Variants in TGFA observed in about 807,000 individuals in gnomAD.
The protein encoded by TGFA is protransforming growth factor alpha.
A neutral mutation model predicts 21.7 loss-of-function variants in TGFA; 12 were observed. The ratio of observed to expected loss-of-function variants is 0.55; its 90% CI spans 0.35 to 0.90. TGFA has a LOEUF of 0.90. TGFA is among the 40% of genes least tolerant of loss of function. The pLI is 0.01. For missense variants in TGFA, 178 were observed against 210.8 expected, an observed-to-expected ratio of 0.84 and a Z score of 0.96; for synonymous variants, 79 against 88.1, an observed-to-expected ratio of 0.90 and a Z score of 0.58.
intron 1 of TGFA, among the ~76,000 whole-genome samples, chr2:70,541,938 A>G (rs1160126108): frequency 6.6e-6 from 1 of 152,186 alleles, no homozygotes; most frequent in Non-Finnish European, 1.5e-5. Context: ...TGTGTACAGC[A>G]CGCAGACCGG....
rs11466228 is a variant in TGFA at position 70,495,706 on chromosome 2, G to T, written c.94+19153C>A. Among the ~76,000 whole-genome samples the T allele has an allele frequency of 2.0e-5, 3 of 152,004 alleles. No homozygotes were observed. The East Asian group carries it at 5.8e-4, about 29-fold the overall frequency. On this transcript the variant is annotated intron_variant, in intron 2 of 5. Transcript: ENST00000295400. ...ATTTTTTATTGTTACTATGATTATT[G>T]TTATTTGAGGGAGATTCTTTTAAGT...
At chr2:70,506,929 T>C (rs1433103158) in intron 2 of TGFA, among the ~76,000 whole-genome samples, 1 of 152,176 alleles carries the variant, frequency 6.6e-6, no homozygotes, top group Non-Finnish European at 1.5e-5. Flanking sequence ...GTACTTGAAA[T>C]TTCTGCAAAG....
Position 70,553,734 on chromosome 2 carries a change from C to G in TGFA, c.34G>C (p.Ala12Pro). Residue 12 changes from alanine (A) to proline (P), a missense_variant, in exon 1 of 6, where the codon GCT becomes CCT. Ala to Pro is a conservative substitution (Grantham distance 27, BLOSUM62 -1). Transcript: ENST00000295400. ...CCGCAGCCGGCGTACGTACCCAGAG[C>G]GAACAGGGCGAGCTGTCCAGCCGAG... is the stretch of plus-strand genomic sequence containing the variant. ...VPSAGQLALF[A>P]LGIVLAACQA... The G allele has an allele frequency of 1.5e-6, 2 of 1,330,320 alleles. No individual in the cohort carries two copies. The highest frequency in any genetic ancestry group is 1.9e-6 in the Non-Finnish European group (2 of 1,035,990). The allele number at this position is 1,330,320 out of a possible 1,614,324, so 82.4% of individuals were successfully genotyped here.
At chr2:70,529,238 T>A (rs2103898000) in intron 1 of TGFA, among the ~76,000 whole-genome samples, 1 of 152,326 alleles carries the variant, frequency 6.6e-6, no homozygotes, top group East Asian at 1.9e-4. Flanking sequence ...TTGTTTCTTT[T>A]CAAGCCAAAC....
At chr2:70,520,617 T>C (rs900265896) in intron 1 of TGFA, among the ~76,000 whole-genome samples, 2 of 152,186 alleles carry the variant, frequency 1.3e-5, no homozygotes, top group East Asian at 3.8e-4. Flanking sequence ...TCTGAGACCT[T>C]TGACTTTCCC....
At chr2:70,466,709 T>C (rs1553492329) in intron 2 of TGFA, among the ~76,000 whole-genome samples, 1 of 152,156 alleles carries the variant, frequency 6.6e-6, no homozygotes, top group Non-Finnish European at 1.5e-5. Flanking sequence ...TATAAATCAT[T>C]CTATGATAAA....
At chr2:70,503,577 A>G (rs1574110071) in intron 2 of TGFA, among the ~76,000 whole-genome samples, 1 of 126,034 alleles carries the variant, frequency 7.9e-6, no homozygotes, top group East Asian at 2.9e-4. Flanking sequence ...GTATAATAAT[A>G]ATAATAAAAA....
At chr2:70,458,164 AG>A (rs1670296875) in intron 3 of TGFA, among the ~76,000 whole-genome samples, 1 of 152,184 alleles carries the variant, frequency 6.6e-6, no homozygotes, top group African/African-American at 2.4e-5. Context: ...GCAAAGGTCA[AG>A]AAACAGCTCT....
chr2:70,450,548 CAT>C lies in TGFA; in HGVS notation c.*309_*310del. On this transcript the variant is annotated 3_prime_UTR_variant, in exon 6 of 6. Transcript: ENST00000295400. ...ATGGCTGGCAGAAGACAACTGCACACATGTGGACTCAGACACCAACTGCTGCA... is the reference window on the plus strand; with the variant it reads ...ATGGCTGGCAGAAGACAACTGCACACGTGGACTCAGACACCAACTGCTGCA... 1 of 362,262 alleles carries C rather than the reference CAT, an allele frequency of 2.8e-6. No homozygotes were observed. The highest frequency in any genetic ancestry group is 5.3e-5 in the South Asian group (1 of 19,020). The allele number at this position is 362,262 out of a possible 1,614,324, so 22.4% of individuals were successfully genotyped here.
chr2:70,456,510 G>A, intron 3 of TGFA, 22 bp from the exon 4 acceptor site: 3 of 1,587,814 alleles, frequency 1.9e-6, no homozygotes, highest in Non-Finnish European at 1.7e-6. Context: ...AGGAACGTCA[G>A]TGCACTCTCC....
intron 1 of TGFA, among the ~76,000 whole-genome samples, chr2:70,539,645 G>C (rs1473689705): frequency 6.6e-6 from 1 of 152,022 alleles, no homozygotes; most frequent in Non-Finnish European, 1.5e-5. Context: ...AGTAGAGTTG[G>C]GGTTTCAACA....
chr2:70,459,066 T>A (rs977645599), intron 3 of TGFA, among the ~76,000 whole-genome samples: 4 of 152,222 alleles, frequency 2.6e-5, no homozygotes, highest in African/African-American at 9.7e-5. Flanking sequence ...GCAGAGTCTT[T>A]TGTGAAAGTC....
chr2:70,519,056 C>A (rs915651580), intron 1 of TGFA, among the ~76,000 whole-genome samples: 1 of 152,064 alleles, frequency 6.6e-6, no homozygotes, highest in African/African-American at 2.4e-5. Context: ...TGGATTCAGA[C>A]GAGGTGGTGA....
chr2:70,553,735 G>C lies in TGFA; in HGVS notation c.33C>G (p.Phe11Leu), dbSNP rs782496378. The change falls in exon 1 of 6, where the codon TTC becomes TTG. Residue 11 changes from phenylalanine to leucine, a missense_variant. By Grantham distance (22) the Phe-to-Leu change is conservative. Coordinates refer to ENST00000295400, the MANE Select transcript of TGFA (RefSeq NM_003236.4). ...CGCAGCCGGCGTACGTACCCAGAGC[G>C]AACAGGGCGAGCTGTCCAGCCGAGG... MVPSAGQLAL[F>L]ALGIVLAACQ... The C allele has an allele frequency of 2.3e-6, 3 of 1,330,952 alleles. No individual in the cohort carries two copies. The highest frequency in any genetic ancestry group is 3.0e-5 in the East Asian group (1 of 33,766). The allele number at this position is 1,330,952 out of a possible 1,614,324, so 82.4% of individuals were successfully genotyped here.
chr2:70,553,281 C>T (rs1553507117), intron 1 of TGFA: 4 of 1,534,014 alleles, frequency 2.6e-6, no homozygotes, highest in African/African-American at 1.4e-5. Context: ...GCAGGGGGTG[C>T]CAAAGGGGCG....
chr2:70,515,573 G>T (rs546784678), intron 1 of TGFA, among the ~76,000 whole-genome samples: 2 of 152,260 alleles, frequency 1.3e-5, no homozygotes, highest in East Asian at 3.9e-4. Flanking sequence ...CAAGATGGAT[G>T]GGTGACCCCT....
intron 1 of TGFA, among the ~76,000 whole-genome samples, chr2:70,551,070 C>G (rs537350124): frequency 5.8e-5 from 6 of 103,266 alleles, no homozygotes; most frequent in African/African-American, 1.6e-4. Context: ...AAAGTAACAA[C>G]AACAATGATG....
intron 2 of TGFA, among the ~76,000 whole-genome samples, chr2:70,480,905 C>G (rs782201210): frequency 1.3e-5 from 2 of 152,028 alleles, no homozygotes; most frequent in Non-Finnish European, 2.9e-5. Flanking sequence ...GGCTCTGCCT[C>G]ATAAAAAAGT....
intron 2 of TGFA, among the ~76,000 whole-genome samples, chr2:70,511,683 G>A (rs1381814382): frequency 3.9e-5 from 6 of 152,136 alleles, no homozygotes; most frequent in South Asian, 2.1e-4. Flanking sequence ...GAAGTGTTAC[G>A]AGTGAAGTGG....
Sources: gnomAD v4.1 joint callset for allele counts (sites outside exome capture counted in the v4.1 genomes callset) on GRCh38, gnomAD v4.1.1 for gene constraint, MANE v1.5 for transcripts, NCBI Gene and HGNC (gene_info 2026-07-23, HGNC 2026-07-21) for gene names.